Variants in ZFHX3 observed in about 807,000 individuals in gnomAD.
The protein encoded by ZFHX3 is zinc finger homeobox 3.
In ZFHX3, 42 loss-of-function variants were observed where a neutral mutation model predicts 279.1. The observed-to-expected ratio is 0.15, with a 90% CI of 0.12 to 0.19. The LOEUF (loss-of-function observed/expected upper bound fraction) is 0.19, where lower values mean the gene tolerates loss of function less well. Among genes scored for constraint, ZFHX3 ranks in the 10% least tolerant of loss-of-function variants. The pLI is 1.00. For synonymous variants in ZFHX3, 2,293 were observed against 1,957.8 expected, an observed-to-expected ratio of 1.17 and a Z score of -4.52; for missense variants, 4,981 against 4,754.0, an observed-to-expected ratio of 1.05 and a Z score of -1.40.
chr16:73,129,780 C>A (rs986145031), intron 7 of ZFHX3, among the ~76,000 whole-genome samples: 1 of 151,638 alleles, frequency 6.6e-6, no homozygotes, highest in African/African-American at 2.4e-5. Context: ...TCCTTTCAAC[C>A]GATATTTTGG....
At chr16:73,454,189 G>T (rs1466737219) in intron 3 of ZFHX3, among the ~76,000 whole-genome samples, 1 of 152,154 alleles carries the variant, frequency 6.6e-6, no homozygotes, top group African/African-American at 2.4e-5. Context: ...TTTTGGGATG[G>T]TGTGCATGGC....
At chr16:73,028,721 C>T (rs1964596650) in intron 1 of ZFHX3, among the ~76,000 whole-genome samples, 1 of 152,168 alleles carries the variant, frequency 6.6e-6, no homozygotes, top group Admixed American at 6.5e-5. Context: ...TTCTCCGGGC[C>T]CATCCCTGGG....
At chr16:72,969,015 G>C (rs558626580) in intron 1 of ZFHX3, among the ~76,000 whole-genome samples, 24 of 152,206 alleles carry the variant, frequency 1.6e-4, no homozygotes, top group African/African-American at 5.3e-4. Context: ...TGTTACCATA[G>C]GAGGAGTCTA....
At chr16:73,435,746 A>G (rs7201998) in intron 3 of ZFHX3, among the ~76,000 whole-genome samples, 33,127 of 152,100 alleles carry the variant, frequency 0.22, 3,861 homozygotes, top group East Asian at 0.45. Flanking sequence ...GCCTCCACTC[A>G]AGTTCTCCCC....
In ZFHX3 at chr16:73,836,615, C is replaced by T. The variant is rs182067993; in HGVS notation, c.-1608+55036G>A. On this transcript the variant is annotated intron_variant, in intron 1 of 17. Transcript: ENST00000641206. ...CTCCAAAGAGACTGGCTTTAATCAA[C>T]GAAATATGATCAGCATTAACTGGTC... Among the ~76,000 whole-genome samples, 200 of 152,290 alleles carry T rather than the reference C, an allele frequency of 1.3e-3. 2 individuals are homozygous for T. Among genetic ancestry groups the T allele is most frequent in the Non-Finnish European group, 2.7e-3 (185 of 68,030 alleles).
chr16:73,284,702 A>G (rs1325055275), intron 4 of ZFHX3, among the ~76,000 whole-genome samples: 2 of 152,200 alleles, frequency 1.3e-5, no homozygotes, highest in South Asian at 2.1e-4. Flanking sequence ...TCCACTGCAC[A>G]GATGTACCAT....
chr16:73,579,990 A>G (rs1228826245), intron 2 of ZFHX3, among the ~76,000 whole-genome samples: 1 of 147,968 alleles, frequency 6.8e-6, no homozygotes, highest in African/African-American at 2.5e-5. Context: ...TAATACACAT[A>G]TATATTTTAA....
At chr16:73,300,669 A>G (rs554899766) in intron 4 of ZFHX3, among the ~76,000 whole-genome samples, 1 of 152,162 alleles carries the variant, frequency 6.6e-6, no homozygotes, top group East Asian at 1.9e-4. Context: ...ATGCCCGGCT[A>G]ATTTTTGTAT....
At chr16:72,846,863 G>T (rs1171396999) in intron 4 of ZFHX3, among the ~76,000 whole-genome samples, 1 of 152,218 alleles carries the variant, frequency 6.6e-6, no homozygotes, top group Non-Finnish European at 1.5e-5. Flanking sequence ...ACAAAGAGGG[G>T]AAGCGGACCA....
chr16:72,963,804 CG>C (rs1458440700), intron 1 of ZFHX3, among the ~76,000 whole-genome samples: 2 of 151,984 alleles, frequency 1.3e-5, no homozygotes, highest in African/African-American at 4.8e-5. Context: ...GCAGTTATGA[CG>C]AAGGGGAGGG....
intron 1 of ZFHX3, among the ~76,000 whole-genome samples, chr16:73,838,066 G>A (rs975709605): frequency 3.9e-5 from 6 of 152,202 alleles, no homozygotes; most frequent in African/African-American, 1.4e-4. Flanking sequence ...GCATTTACAT[G>A]TCTCCATTTC....
intron 2 of ZFHX3, chr16:73,504,181 C>T (rs1184138339): frequency 6.6e-6 from 1 of 152,192 alleles, no homozygotes; most frequent in East Asian, 1.9e-4. Context: ...CCCTATCCCA[C>T]TCCCCAGCTT....
At chr16:73,510,263 T>C (rs937545517) in intron 2 of ZFHX3, among the ~76,000 whole-genome samples, 10 of 152,174 alleles carry the variant, frequency 6.6e-5, no homozygotes, top group Non-Finnish European at 1.0e-4. Context: ...TATTTTCTTG[T>C]TGTCTTTTGC....
At chr16:73,009,337 T>C (rs550965064) in intron 1 of ZFHX3, among the ~76,000 whole-genome samples, 2 of 152,296 alleles carry the variant, frequency 1.3e-5, no homozygotes, top group African/African-American at 4.8e-5. Context: ...TACCATATAA[T>C]GAAGGATGCC....
chr16:72,959,732 G>A lies in ZFHX3; in HGVS notation c.414C>T (p.Asp138=), dbSNP rs62640011. 3,841 of 1,612,822 alleles carry A rather than the reference G, an allele frequency of 2.4e-3. 23 individuals are homozygous for A. Among genetic ancestry groups the A allele is most frequent in the South Asian group, 3.7e-3 (340 of 91,014 alleles). ...NLAGEIVYQP[D]GSAYIVESLS... ...GGCTCTCCACAATGTACGCGGAGCC[G>A]TCCGGCTGGTAGACGATCTCCCCGG... Residue 138 remains aspartate, a synonymous_variant, in exon 2 of 10, where the codon GAC becomes GAT. Transcript: ENST00000268489.
intron 1 of ZFHX3, among the ~76,000 whole-genome samples, chr16:73,730,614 G>A (rs1041882202): frequency 6.6e-6 from 1 of 152,196 alleles, no homozygotes; most frequent in Non-Finnish European, 1.5e-5. Context: ...GCTTCTAATT[G>A]TACTCTTCCC....
intron 1 of ZFHX3, among the ~76,000 whole-genome samples, chr16:73,705,204 A>T (rs1349959942): frequency 1.3e-5 from 2 of 152,220 alleles, no homozygotes; most frequent in Admixed American, 6.5e-5. Flanking sequence ...ATGTTTAATA[A>T]TGGCCGTGTT....
intron 5 of ZFHX3, among the ~76,000 whole-genome samples, chr16:73,250,690 C>T (rs1027313821): frequency 3.3e-5 from 5 of 149,478 alleles, no homozygotes; most frequent in South Asian, 2.1e-4. Flanking sequence ...CCCGCCACCA[C>T]GTCTGGCTAA....
At chr16:72,879,218 C>G (rs1353343114) in intron 4 of ZFHX3, among the ~76,000 whole-genome samples, 1 of 152,182 alleles carries the variant, frequency 6.6e-6, no homozygotes, top group Non-Finnish European at 1.5e-5. Flanking sequence ...AATTAAAAGT[C>G]CTTCAGGTAC....
Sources: allele counts gnomAD v4.1 joint callset (sites outside exome capture counted in the v4.1 genomes callset), GRCh38; gene constraint gnomAD v4.1.1; transcripts MANE v1.5; gene names NCBI Gene and HGNC (gene_info 2026-07-23, HGNC 2026-07-21).